The following PAGE3 variants were observed in gnomAD, a reference collection of about 807,000 sequenced individuals.
PAGE3 encodes PAGE family member 3.
Under a neutral mutation model 3.8 loss-of-function variants are expected in PAGE3, and 9 were observed. The observed-to-expected ratio is 2.36, with a 90% CI of 1.42 to 4.12. The LOEUF (loss-of-function observed/expected upper bound fraction) is 4.12. PAGE3 is among the 30% of genes most tolerant of loss of function. The probability of loss-of-function intolerance (pLI) is 0.00; values close to 1 mark genes in which losing one functional copy is unlikely to be tolerated. For missense variants in PAGE3, 73 were observed against 37.8 expected, an observed-to-expected ratio of 1.93 and a Z score of -2.44; for synonymous variants, 24 against 13.1, an observed-to-expected ratio of 1.83 and a Z score of -1.79.
At position 55,260,590 on chromosome X, in the gene PAGE3, G is replaced by A. The variant is rs188128595; in HGVS notation, c.263C>T (p.Pro88Leu). The A allele has an allele frequency of 2.7e-4, 154 of 564,435 alleles. No homozygotes were observed. Among genetic ancestry groups the A allele is most frequent in the East Asian group, 2.3e-3 (71 of 30,474 alleles). The allele number at this position is 564,435 out of a possible 1,213,427, so 46.5% of individuals were successfully genotyped here. A position where few individuals can be genotyped will look rare whatever the true frequency, so the allele number is the denominator to read the frequency against. ...TGGCAGAAATTCTCCCTTGACATTAGGACCATCTCCACGTTCACCCCCAGT... is the reference window on the plus strand; with the variant it reads ...TGGCAGAAATTCTCCCTTGACATTAAGACCATCTCCACGTTCACCCCCAGT... ...SKTGGERGDGPNVKGEFLPNL... is the reference protein window; with the variant it reads ...SKTGGERGDGLNVKGEFLPNL... The change falls in exon 4 of 5, where the codon CCT (proline) becomes CTT (leucine). Residue 88 changes from proline (P) to leucine (L), a missense_variant. Pro to Leu is a moderately conservative substitution (Grantham distance 98). Coordinates refer to ENST00000374951, the MANE Select transcript of PAGE3 (RefSeq NM_001017931.3).
At chrX:55,264,047 G>A in intron 1 of PAGE3, 136 bp from the exon 2 acceptor site, 1 of 388,942 alleles carries the variant, frequency 2.6e-6, no homozygotes, top group South Asian at 5.6e-5. Flanking sequence ...AAAATTTTTA[G>A]GTATCATCTA....
Position 55,264,798 on chromosome X carries a change from T to C in PAGE3, c.-261A>G, listed in dbSNP as rs185874166. 13 of 111,428 alleles carry C rather than the reference T, an allele frequency of 1.2e-4. No homozygotes were observed. The East Asian group carries it at 3.7e-3, about 32-fold the overall frequency. 9.2% of individuals were successfully genotyped at this position (111,428 alleles called of 1,213,427 possible). ...CTCACAACTAAATTCCCAGGAGGAC[T>C]GATCTGCGGACCTACCAGCTGAGTC... On this transcript the variant is annotated 5_prime_UTR_variant, in exon 1 of 5. Transcript: ENST00000374951.
intron 3 of PAGE3, among the ~76,000 whole-genome samples, chrX:55,262,707 T>TATATATATATATATATATATATATATGTA (rs1250074078): frequency 1.8e-4 from 1 of 5,710 alleles, no homozygotes; most frequent in African/African-American, 2.0e-4. Flanking sequence ...ACATATGATA[T>TATATATATATATATATATATATATATGTA]ATATATATAT....
chrX:55,263,004 T>C (rs768059227), intron 3 of PAGE3, among the ~76,000 whole-genome samples: 1 of 109,502 alleles, frequency 9.1e-6, no homozygotes, highest in East Asian at 2.9e-4. Context: ...TTAAACATAG[T>C]TTCCCTGGAT....
intron 4 of PAGE3, among the ~76,000 whole-genome samples, chrX:55,258,993 G>T (rs1054045833): frequency 9.0e-6 from 1 of 111,605 alleles, no homozygotes; most frequent in Non-Finnish European, 1.9e-5. Context: ...TATTTGTTTT[G>T]TTTCTGTTAT....
chrX:55,262,703 G>GATATATAT (rs10534339), intron 3 of PAGE3, among the ~76,000 whole-genome samples: 2 of 91,060 alleles, frequency 2.2e-5, no homozygotes, highest in African/African-American at 8.5e-5. Flanking sequence ...TGTTACATAT[G>GATATATAT]ATATATATAT....
intron 3 of PAGE3, among the ~76,000 whole-genome samples, chrX:55,262,472 T>C (rs1325909986): frequency 1.8e-5 from 2 of 110,828 alleles, no homozygotes; most frequent in African/African-American, 3.3e-5. Context: ...AGTACTGAGC[T>C]ATCTCACAGT....
At chrX:55,259,809 TA>T (rs1938254534) in intron 4 of PAGE3, among the ~76,000 whole-genome samples, 1 of 111,128 alleles carries the variant, frequency 9.0e-6, no homozygotes, top group African/African-American at 3.3e-5. Context: ...TATTTTTTAA[TA>T]ACATGTATTT....
rs760972649 is a variant in PAGE3 at position 55,263,678 on chromosome X, T to C, written c.84+142A>G. The stretch of plus-strand genomic sequence containing the variant: ...TCCAGGCAACATTAGAATGCAAACA[T>C]CCAAATCTATGTTTACTTCACGAGA... On this transcript the variant is annotated intron_variant, in intron 2 of 4. Coordinates refer to ENST00000374951, the MANE Select transcript of PAGE3 (RefSeq NM_001017931.3). 18 of 421,725 alleles carry C rather than the reference T, an allele frequency of 4.3e-5. No individual in the cohort carries two copies. In the South Asian group the frequency reaches 7.7e-4, roughly 18 times the overall value. 34.8% of individuals were successfully genotyped at this position (421,725 alleles called of 1,213,427 possible). A position where few individuals can be genotyped will look rare whatever the true frequency, so the allele number is the denominator to read the frequency against.
rs375864925 is a variant in PAGE3, at chrX:55,263,299, C to G, written c.145G>C (p.Asp49His). The G allele has an allele frequency of 4.4e-5, 25 of 568,022 alleles. No homozygotes were observed. Among genetic ancestry groups the G allele is most frequent in the Non-Finnish European group, 7.4e-5 (23 of 308,945 alleles). The allele number at this position is 568,022 out of a possible 1,213,427, so 46.8% of individuals were successfully genotyped here. A position where few individuals can be genotyped will look rare whatever the true frequency, so the allele number is the denominator to read the frequency against. ...TCTCTCTCTTGACCAGGTGTATAAT[C>G]CTGACTTTCAATTGGTGGTTCCTCT... ...QQEEPPIESQ[D>H]YTPGQERDEG... is the part of the protein sequence containing the mutation. The change falls in exon 3 of 5, where the codon GAT (aspartate) becomes CAT (histidine). Residue 49 changes from aspartate (D) to histidine (H), a missense_variant. Physicochemically the swap from Asp to His is moderately conservative, Grantham distance 81 (BLOSUM62 -1). Coordinates refer to ENST00000374951, the MANE Select transcript of PAGE3 (RefSeq NM_001017931.3).
chrX:55,263,472 A>G (rs1938334192), intron 2 of PAGE3, 113 bp from the exon 3 acceptor site: 1 of 432,692 alleles, frequency 2.3e-6, no homozygotes, highest in East Asian at 3.9e-5. Flanking sequence ...GTCTAAAGAC[A>G]TTTTTTTCCT....
At chrX:55,258,669 G>T in intron 4 of PAGE3, 141 bp from the exon 5 acceptor site, 1 of 377,564 alleles carries the variant, frequency 2.6e-6, no homozygotes, top group East Asian at 4.4e-5. Context: ...CAGTTAAACC[G>T]CTATAGAGAC....
intron 3 of PAGE3, among the ~76,000 whole-genome samples, chrX:55,260,953 T>C (rs937223427): frequency 8.9e-6 from 1 of 112,075 alleles, no homozygotes; most frequent in Non-Finnish European, 1.9e-5. Flanking sequence ...GTGATTCATT[T>C]GAGTCTGTCT....
intron 3 of PAGE3, among the ~76,000 whole-genome samples, chrX:55,261,244 G>GA (rs1022556001): frequency 5.8e-4 from 64 of 110,524 alleles, no homozygotes; most frequent in Non-Finnish European, 1.1e-3. Context: ...CCTGGAATCA[G>GA]AAAAAAAACT....
At position 55,258,512 on chromosome X, in the gene PAGE3, C is replaced by T. The variant is rs781270003; in HGVS notation, c.336G>A (p.Ser112=). The T allele has an allele frequency of 3.6e-6, 2 of 563,088 alleles. No homozygotes were observed. The highest frequency in any genetic ancestry group is 2.3e-5 in the Admixed American group (1 of 44,028). The allele number at this position is 563,088 out of a possible 1,213,427, so 46.4% of individuals were successfully genotyped here. The change falls in exon 5 of 5, where the codon TCG becomes TCA. Residue 112 remains serine (S), a synonymous_variant. Coordinates refer to ENST00000374951, the MANE Select transcript of PAGE3 (RefSeq NM_001017931.3). ...GGTTTCAGCTTGTCTTCATTTAAAC[C>T]GATGGTTGCCCTTCACCTATAAGAT... is the stretch of plus-strand genomic sequence containing the variant. ...KIPEAGEGQP[S]V
intron 3 of PAGE3, 93 bp downstream of exon 3, chrX:55,263,158 T>C: frequency 2.3e-6 from 1 of 439,294 alleles, no homozygotes; most frequent in Non-Finnish European, 4.1e-6. Flanking sequence ...CTCTTTCTAT[T>C]GCTTTTTTCC....
At chrX:55,263,679 C>A (rs956064779) in intron 2 of PAGE3, 141 bp downstream of exon 2, 10 of 420,930 alleles carry the variant, frequency 2.4e-5, no homozygotes, top group African/African-American at 2.3e-4. Flanking sequence ...ATGCAAACAT[C>A]CAAATCTATG....
chrX:55,263,530 T>C (rs1158695988), intron 2 of PAGE3, among the ~76,000 whole-genome samples, 171 bp from the exon 3 acceptor site: 1 of 112,034 alleles, frequency 8.9e-6, no homozygotes, highest in African/African-American at 3.2e-5. Context: ...CAAGAGAAAG[T>C]TACCCTTAAA....
At chrX:55,259,731 C>T (rs1384430980) in intron 4 of PAGE3, among the ~76,000 whole-genome samples, 2 of 110,620 alleles carry the variant, frequency 1.8e-5, no homozygotes, top group Non-Finnish European at 3.8e-5. Flanking sequence ...ATTTTTCCTT[C>T]TCCCTTATGT....
Sources: allele counts gnomAD v4.1 joint callset (sites outside exome capture counted in the v4.1 genomes callset), GRCh38; gene constraint gnomAD v4.1.1; transcripts MANE v1.5; gene names NCBI Gene and HGNC (gene_info 2026-07-23, HGNC 2026-07-21).